Variants in ESR2 observed in about 807,000 individuals in gnomAD.
ESR2 encodes the protein estrogen receptor 2, also known as estrogen receptor beta.
ESR2 carries 36 observed loss-of-function variants against 49.6 expected under a neutral mutation model. The observed-to-expected ratio is 0.73, with a 90% CI of 0.56 to 0.96. The LOEUF is 0.96. ESR2 is among the 40% of genes least tolerant of loss of function. The probability of loss-of-function intolerance (pLI) is 0.00; values close to 1 mark genes in which losing one functional copy is unlikely to be tolerated. For missense variants in ESR2, 714 were observed against 693.0 expected, an observed-to-expected ratio of 1.03 and a Z score of -0.34; for synonymous variants, 320 against 266.1, an observed-to-expected ratio of 1.20 and a Z score of -1.97.
chr14:64,328,764 T>C (rs1027751627), intron 1 of ESR2, among the ~76,000 whole-genome samples: 139 of 152,316 alleles, frequency 9.1e-4, no homozygotes, highest in African/African-American at 2.8e-3. Context: ...AATTTTTCCA[T>C]TTTGTAGATG....
At chr14:64,326,745 G>A (rs2077395032) in intron 1 of ESR2, among the ~76,000 whole-genome samples, 2 of 152,094 alleles carry the variant, frequency 1.3e-5, no homozygotes, top group Admixed American at 6.6e-5. Context: ...ATGAAACTCC[G>A]CTATCTTATT....
intron 1 of ESR2, among the ~76,000 whole-genome samples, chr14:64,329,059 G>A (rs973341168): frequency 1.2e-4 from 19 of 152,018 alleles, no homozygotes; most frequent in Non-Finnish European, 2.6e-4. Flanking sequence ...GAGAAAAATG[G>A]AAGTAAATAA....
In ESR2 at chr14:64,232,176, C is replaced by A. The variant is rs958704179; in HGVS notation, c.*961G>T. On this transcript the variant is annotated 3_prime_UTR_variant, in exon 9 of 9. Coordinates refer to ENST00000341099, the MANE Select transcript of ESR2 (RefSeq NM_001437.3). ...TAAAACAGCACACTGCACACATCCA[C>A]AGCCCAAAGTATCCCTGACTACTTG... 3 of 152,258 alleles carry A rather than the reference C, an allele frequency of 2.0e-5. No individual in the cohort carries two copies. Among genetic ancestry groups the A allele is most frequent in the African/African-American group, 7.2e-5 (3 of 41,422 alleles). The allele number at this position is 152,258 out of a possible 1,614,324, so 9.4% of individuals were successfully genotyped here.
At chr14:64,246,709 C>T (rs2075862883) in intron 7 of ESR2, among the ~76,000 whole-genome samples, 1 of 120,864 alleles carries the variant, frequency 8.3e-6, no homozygotes, top group Admixed American at 1.1e-4. Context: ...TCCACTCTAG[C>T]CTGGCCAACA....
chr14:64,327,228 T>A (rs1035422948), intron 1 of ESR2, among the ~76,000 whole-genome samples: 1 of 152,194 alleles, frequency 6.6e-6, no homozygotes, highest in African/African-American at 2.4e-5. Flanking sequence ...TTTTCAAATG[T>A]CCATTCCAAA....
chr14:64,318,865 C>T (rs1043716899), intron 1 of ESR2, among the ~76,000 whole-genome samples: 2 of 151,854 alleles, frequency 1.3e-5, no homozygotes, highest in Non-Finnish European at 2.9e-5. Flanking sequence ...CAACATGGTG[C>T]AATCCTATCT....
chr14:64,294,891 C>A (rs915850432), upstream of ESR2, among the ~76,000 whole-genome samples: 1 of 152,222 alleles, frequency 6.6e-6, no homozygotes, highest in Admixed American at 6.5e-5. Context: ...GAAGGCCTTT[C>A]GCGTTAGATC....
intron 3 of ESR2, among the ~76,000 whole-genome samples, chr14:64,273,697 T>G (rs1360190634): frequency 6.6e-6 from 1 of 152,196 alleles, no homozygotes; most frequent in Non-Finnish European, 1.5e-5. Context: ...TGCATTTGGT[T>G]TGTATTTTAT....
Position 64,317,822 on chromosome 14 carries a change from CT to C in ESR2, c.-91+20075del, listed in dbSNP as rs1343491697. On this transcript the variant is annotated intron_variant, in intron 1 of 8. Transcript: ENST00000358599. ...ATTCAACACCACTCATAAAAATAAA[CT>C]CAGAAAAACAGGAATACAGGGGAGC... 2.6e-5 allele frequency among the ~76,000 whole-genome samples: 4 copies of C among 152,164 alleles called. No individual in the cohort carries two copies. In the East Asian group the frequency reaches 5.8e-4, roughly 22 times the overall value.
chr14:64,262,811 T>C (rs1425603943), intron 4 of ESR2, among the ~76,000 whole-genome samples: 1 of 152,062 alleles, frequency 6.6e-6, no homozygotes, highest in African/African-American at 2.4e-5. Context: ...TTTAGGAAGG[T>C]GAGGCAGGAG....
At chr14:64,246,734 C>CAAAAAAAAAAAAAAAAAAAAAAAAA (rs71123836) in intron 7 of ESR2, among the ~76,000 whole-genome samples, 3 of 36,452 alleles carry the variant, frequency 8.2e-5, no homozygotes, top group African/African-American at 2.5e-4. Flanking sequence ...AAGACTCTGT[C>CAAAAAAAAAAAAAAAAAAAAAAAAA]AAAAAAAAAA....
At chr14:64,299,777 C>T (rs1395682044) in intron 1 of ESR2, among the ~76,000 whole-genome samples, 2 of 152,122 alleles carry the variant, frequency 1.3e-5, no homozygotes, top group Non-Finnish European at 2.9e-5. Context: ...TCGTTTTCTT[C>T]TCTCTTATTC....
At chr14:64,318,981 C>T (rs1394959013) in intron 1 of ESR2, among the ~76,000 whole-genome samples, 1 of 151,680 alleles carries the variant, frequency 6.6e-6, no homozygotes, top group Non-Finnish European at 1.5e-5. Context: ...GTCAAGGCTG[C>T]AGTGAGCTGT....
At chr14:64,287,295 T>C (rs565571720) in intron 1 of ESR2, among the ~76,000 whole-genome samples, 21 of 152,248 alleles carry the variant, frequency 1.4e-4, no homozygotes, top group African/African-American at 4.6e-4. Flanking sequence ...TGAAACCAAC[T>C]ATCAGACCCC....
intron 3 of ESR2, among the ~76,000 whole-genome samples, chr14:64,270,961 G>A (rs749717049): frequency 5.9e-5 from 9 of 152,220 alleles, no homozygotes; most frequent in Non-Finnish European, 1.2e-4. Context: ...CAAAGAAGAT[G>A]TATATGAAGT....
chr14:64,322,216 G>A (rs1372384680), intron 1 of ESR2, among the ~76,000 whole-genome samples: 2 of 151,990 alleles, frequency 1.3e-5, no homozygotes, highest in African/African-American at 4.8e-5. Flanking sequence ...CCACCACCAT[G>A]CCCAGCTAAT....
rs10589699 is a variant in ESR2 at position 64,230,865 on chromosome 14, T to TTATATATATATATA, written c.*2258_*2271dup. 38 of 125,622 alleles carry TTATATATATATATA rather than the reference T, an allele frequency of 3.0e-4. No individual in the cohort carries two copies. Among genetic ancestry groups the TTATATATATATATA allele is most frequent in the African/African-American group, 1.0e-3 (33 of 31,764 alleles). The allele number at this position is 125,622 out of a possible 1,614,324, so 7.8% of individuals were successfully genotyped here. On this transcript the variant is annotated 3_prime_UTR_variant, in exon 9 of 9. Transcript: ENST00000341099. ...AAGATCTACTCTCAAAAAAAAAAAA[T>TTATATATATATATA]TATATATATATATATATATATATTT...
At chr14:64,262,040 A>AC (rs1224918178) in intron 4 of ESR2, among the ~76,000 whole-genome samples, 1 of 151,822 alleles carries the variant, frequency 6.6e-6, no homozygotes. Context: ...ATCTAACTAA[A>AC]CCATCTCGCT....
intron 1 of ESR2, chr14:64,330,443 A>AG (rs397719532): frequency 1.3e-5 from 2 of 153,318 alleles, no homozygotes; most frequent in African/African-American, 2.4e-5. Context: ...AAAAAAAAAA[A>AG]GAAAGAAATT....
Sources: allele counts gnomAD v4.1 joint callset (sites outside exome capture counted in the v4.1 genomes callset), GRCh38; gene constraint gnomAD v4.1.1; transcripts MANE v1.5; gene names NCBI Gene and HGNC (gene_info 2026-07-23, HGNC 2026-07-21).